The following STAC variants were observed in gnomAD, a reference collection of about 807,000 sequenced individuals.
The protein encoded by STAC is SH3 and cysteine rich domain.
A neutral mutation model predicts 48.8 loss-of-function variants in STAC; 43 were observed. That is an observed-to-expected ratio of 0.88 (90% CI 0.69 to 1.14). STAC has a LOEUF of 1.14. Among genes scored for constraint, STAC ranks in the 50% most tolerant of loss-of-function variants. The pLI is 0.00. For synonymous variants in STAC, 193 were observed against 179.5 expected, an observed-to-expected ratio of 1.07 and a Z score of -0.60; for missense variants, 497 against 504.0, an observed-to-expected ratio of 0.99 and a Z score of 0.13.
chr3:36,391,333 C>T (rs977303504), intron 1 of STAC, among the ~76,000 whole-genome samples: 5 of 152,258 alleles, frequency 3.3e-5, no homozygotes, highest in African/African-American at 1.2e-4. Flanking sequence ...GTTTTTCACC[C>T]GCAGCCCTTC....
intron 8 of STAC, 47 bp downstream of exon 8, chr3:36,505,881 G>C (rs1201295079): frequency 1.5e-6 from 2 of 1,341,266 alleles, no homozygotes; most frequent in Non-Finnish European, 2.1e-6. Flanking sequence ...TTTAAAGTCA[G>C]TATTTCTCCA....
chr3:36,499,583 G>A (rs1698233108), intron 6 of STAC, among the ~76,000 whole-genome samples: 1 of 151,710 alleles, frequency 6.6e-6, no homozygotes, highest in Non-Finnish European at 1.5e-5. Flanking sequence ...GAAAATTTGG[G>A]ACAAATACAA....
chr3:36,419,608 T>C (rs2125642983), intron 1 of STAC, among the ~76,000 whole-genome samples: 1 of 152,294 alleles, frequency 6.6e-6, no homozygotes, highest in East Asian at 1.9e-4. Context: ...TTAGGGGAAT[T>C]CAACGGGCTT....
intron 6 of STAC, among the ~76,000 whole-genome samples, 167 bp from the exon 7 acceptor site, chr3:36,504,226 G>C (rs1483988308): frequency 6.6e-6 from 1 of 152,228 alleles, no homozygotes; most frequent in East Asian, 1.9e-4. Flanking sequence ...CAGGAGAAGA[G>C]ACATGTGGAA....
chr3:36,492,059 TATATATATG>T (rs1316662950), intron 5 of STAC, among the ~76,000 whole-genome samples: 1 of 84,722 alleles, frequency 1.2e-5, no homozygotes, highest in Non-Finnish European at 2.2e-5. Context: ...TATATATATA[TATATATATG>T]TGACTGTCCT....
chr3:36,501,521 C>T (rs913970200), intron 6 of STAC, among the ~76,000 whole-genome samples: 78 of 151,928 alleles, frequency 5.1e-4, no homozygotes, highest in African/African-American at 1.9e-3. Context: ...AACTTCATGC[C>T]AATGTACTTT....
At chr3:36,456,956 T>C (rs1385681249) in intron 2 of STAC, among the ~76,000 whole-genome samples, 4 of 152,224 alleles carry the variant, frequency 2.6e-5, no homozygotes, top group African/African-American at 9.6e-5. Flanking sequence ...ACTGCTGACA[T>C]ATCTCTTCTG....
intron 1 of STAC, among the ~76,000 whole-genome samples, chr3:36,440,267 C>T (rs1559491893): frequency 1.3e-5 from 2 of 152,182 alleles, no homozygotes; most frequent in Non-Finnish European, 2.9e-5. Flanking sequence ...AGCATTGTAC[C>T]AGTTATCTAT....
intron 2 of STAC, among the ~76,000 whole-genome samples, chr3:36,480,207 AAGT>A (rs1697606525): frequency 6.6e-6 from 1 of 152,248 alleles, no homozygotes; most frequent in Non-Finnish European, 1.5e-5. Flanking sequence ...TGAAAACGAA[AAGT>A]AAGTAATTGC....
intron 1 of STAC, among the ~76,000 whole-genome samples, chr3:36,432,000 T>A (rs1366508990): frequency 6.6e-6 from 1 of 152,250 alleles, no homozygotes; most frequent in Admixed American, 6.5e-5. Context: ...TATACAGTTC[T>A]GTTTCCTAAG....
intron 8 of STAC, among the ~76,000 whole-genome samples, chr3:36,519,490 G>C (rs1253293551): frequency 6.6e-6 from 1 of 152,100 alleles, no homozygotes; most frequent in African/African-American, 2.4e-5. Context: ...TTGATCCTAG[G>C]TTCATTGTTC....
At chr3:36,492,629 G>A (rs543808618) in intron 5 of STAC, among the ~76,000 whole-genome samples, 1 of 152,284 alleles carries the variant, frequency 6.6e-6, no homozygotes, top group East Asian at 1.9e-4. Context: ...CTAAGTGGAA[G>A]AATGATTGTG....
rs1369940696 is a variant in STAC, at chr3:36,483,235, G to T, written c.489+143G>T. The T allele has an allele frequency of 2.6e-5, 16 of 607,084 alleles. No homozygotes were observed. The African/African-American group carries it at 2.8e-4, about 11-fold the overall frequency. The allele number at this position is 607,084 out of a possible 1,614,324, so 37.6% of individuals were successfully genotyped here. A position where few individuals can be genotyped will look rare whatever the true frequency, so the allele number is the denominator to read the frequency against. On this transcript the variant is annotated intron_variant, in intron 3 of 10. Transcript: ENST00000273183. Reference sequence around the variant, plus strand: ...TGGCTGCCAGCTTGGCTTCCTAATTGGCGTAATCAGAAAACAAGGACAAGG... The same window carrying T: ...TGGCTGCCAGCTTGGCTTCCTAATTTGCGTAATCAGAAAACAAGGACAAGG...
chr3:36,485,172 G>A (rs1475904937), intron 4 of STAC, 114 bp downstream of exon 4: 1 of 793,896 alleles, frequency 1.3e-6, no homozygotes, highest in East Asian at 3.0e-5. Flanking sequence ...TGTTTGTTTG[G>A]TGGCTATTTG....
chr3:36,531,937 T>C (rs1417029379), intron 10 of STAC, among the ~76,000 whole-genome samples: 1 of 152,240 alleles, frequency 6.6e-6, no homozygotes, highest in Non-Finnish European at 1.5e-5. Flanking sequence ...AATGGCTTTG[T>C]TCTCTTCCAT....
chr3:36,505,341 G>A (rs780359745), intron 7 of STAC, among the ~76,000 whole-genome samples: 4 of 150,970 alleles, frequency 2.6e-5, no homozygotes, highest in Non-Finnish European at 4.4e-5. Flanking sequence ...CCAACTTTTC[G>A]GCTAACTGAT....
chr3:36,443,545 G>C lies in STAC; in HGVS notation c.293G>C (p.Arg98Thr). ...GGAAGCCTGACGTCCACACCCGCCA[G>C]GGCTGGTCTGCATCCAGGTGGCAAG... Reference protein sequence around the residue: ...APGSLTSTPARAGLHPGGKAH... With the variant: ...APGSLTSTPATAGLHPGGKAH... Residue 98 changes from arginine to threonine, a missense_variant, in exon 2 of 11, where the codon AGG becomes ACG. Transcript: ENST00000273183. This position sits in a 1 kb window ranked among gnomAD's most constrained non-coding sequence, Gnocchi z 4.2. The C allele has an allele frequency of 1.2e-6, 2 of 1,614,192 alleles. No homozygotes were observed. Among genetic ancestry groups the C allele is most frequent in the East Asian group, 2.2e-5 (1 of 44,866 alleles).
intron 1 of STAC, among the ~76,000 whole-genome samples, chr3:36,400,482 T>C (rs1411282251): frequency 6.6e-6 from 1 of 152,170 alleles, no homozygotes; most frequent in Admixed American, 6.5e-5. Flanking sequence ...AACACACACA[T>C]ACTACAAGCA....
intron 1 of STAC, among the ~76,000 whole-genome samples, chr3:36,391,048 TGGCA>T (rs906745355): frequency 2.6e-5 from 4 of 152,184 alleles, no homozygotes; most frequent in African/African-American, 9.7e-5. Flanking sequence ...TCCCTCTCTC[TGGCA>T]GGATTCCCAT....
Sources: gnomAD v4.1 joint callset for allele counts (sites outside exome capture counted in the v4.1 genomes callset) on GRCh38, gnomAD v4.1.1 for gene constraint, Gnocchi (gnomAD v3.1) non-coding constraint, MANE v1.5 for transcripts, NCBI Gene and HGNC (gene_info 2026-07-23, HGNC 2026-07-21) for gene names.